Variants in AGMO observed in about 807,000 individuals in gnomAD.
The protein encoded by AGMO is glyceryl-ether monooxygenase.
In AGMO, 75 loss-of-function variants were observed where a neutral mutation model predicts 60.2. The observed-to-expected ratio is 1.25, with a 90% CI of 1.03 to 1.51. The LOEUF (loss-of-function observed/expected upper bound fraction) is 1.51, where lower values mean the gene tolerates loss of function less well. Ranked by LOEUF, AGMO falls within the 40% of genes most tolerant of loss-of-function variation. The pLI is 0.00. For synonymous variants in AGMO, 261 were observed against 177.1 expected (o/e 1.47, Z -3.76); for missense variants, 763 against 525.5 (o/e 1.45, Z -4.42).
At chr7:15,474,229 G>A (rs527431356) in intron 3 of AGMO, among the ~76,000 whole-genome samples, 2 of 152,196 alleles carry the variant, frequency 1.3e-5, no homozygotes, top group Non-Finnish European at 2.9e-5. Flanking sequence ...CCAAAAAAGA[G>A]CCCATATAGC....
At chr7:15,151,499 G>C in the AGMO span, among the ~76,000 whole-genome samples, 1 of 151,848 alleles carries the variant, frequency 6.6e-6, no homozygotes, top group Non-Finnish European at 1.5e-5. Flanking sequence ...AAGAGATTCT[G>C]GTATATTGTA....
intron 3 of AGMO, among the ~76,000 whole-genome samples, chr7:15,508,914 T>G (rs891477246): frequency 6.6e-6 from 1 of 152,164 alleles, no homozygotes; most frequent in Non-Finnish European, 1.5e-5. Flanking sequence ...TCTACATAAT[T>G]TAGTTTATTT....
intron 12 of AGMO, among the ~76,000 whole-genome samples, chr7:15,270,177 G>C (rs551754454): frequency 1.3e-5 from 2 of 152,190 alleles, no homozygotes; most frequent in East Asian, 3.9e-4. Context: ...AGTTCTTTGA[G>C]AAATCTCCAC....
At chr7:15,367,572 CATG>C (rs1289148467) in intron 10 of AGMO, among the ~76,000 whole-genome samples, 4 of 152,108 alleles carry the variant, frequency 2.6e-5, no homozygotes, top group East Asian at 1.9e-4. Flanking sequence ...GATCACAAAG[CATG>C]ATGACAGTAG....
At chr7:15,540,882 C>A (rs564406174) in intron 3 of AGMO, among the ~76,000 whole-genome samples, 1 of 152,164 alleles carries the variant, frequency 6.6e-6, no homozygotes, top group African/African-American at 2.4e-5. Flanking sequence ...TTTAAGTGTA[C>A]AACCAACTCA....
At chr7:15,338,872 T>G (rs1781744511) in intron 12 of AGMO, among the ~76,000 whole-genome samples, 1 of 152,190 alleles carries the variant, frequency 6.6e-6, no homozygotes, top group African/African-American at 2.4e-5. Flanking sequence ...TTTATATGTT[T>G]AACTGTAAAA....
intron 3 of AGMO, among the ~76,000 whole-genome samples, chr7:15,463,506 T>C (rs1218438719): frequency 1.3e-5 from 2 of 152,200 alleles, no homozygotes; most frequent in Non-Finnish European, 2.9e-5. Context: ...AATTGAGTTG[T>C]CCTTAAGATT....
At chr7:15,358,558 A>G in intron 12 of AGMO, 2 of 383,564 alleles carry the variant, frequency 5.2e-6, no homozygotes. Context: ...TGCAGGTGGG[A>G]TTTTCTGCAC....
At chr7:15,190,845 T>C in the AGMO span, among the ~76,000 whole-genome samples, 219 of 152,264 alleles carry the variant, frequency 1.4e-3, 1 homozygote, top group Non-Finnish European at 4.3e-4. Flanking sequence ...CTCATTTTTT[T>C]TTTTCACTGA....
At chr7:15,462,331 T>C (rs2128509062) in intron 3 of AGMO, among the ~76,000 whole-genome samples, 1 of 152,292 alleles carries the variant, frequency 6.6e-6, no homozygotes, top group East Asian at 1.9e-4. Flanking sequence ...GATTCAAGCT[T>C]AGAAAAATCT....
In AGMO at chr7:15,361,335, T is replaced by C. The variant is rs1375487679; in HGVS notation, c.1263+4179A>G. On this transcript the variant is annotated intron_variant, in intron 12 of 12. Coordinates refer to ENST00000342526, the MANE Select transcript of AGMO (RefSeq NM_001004320.2). ...CAGGCGGATCACCAGGTCAGGAGAT[T>C]GAGACCATCCTGGCTAACATGGTGA... Among the ~76,000 whole-genome samples, 9 of 149,520 alleles carry C rather than the reference T, an allele frequency of 6.0e-5. No homozygotes were observed. In the East Asian group the frequency reaches 1.2e-3, roughly 19 times the overall value.
At chr7:15,257,545 G>A (rs1462583980) in intron 12 of AGMO, among the ~76,000 whole-genome samples, 3 of 152,290 alleles carry the variant, frequency 2.0e-5, no homozygotes, top group African/African-American at 7.2e-5. Flanking sequence ...CTACATAAGT[G>A]AGGAGATTCT....
chr7:15,507,765 T>TA (rs1357859233), intron 3 of AGMO, among the ~76,000 whole-genome samples: 1 of 152,040 alleles, frequency 6.6e-6, no homozygotes, highest in African/African-American at 2.4e-5. Flanking sequence ...GTGGATATGT[T>TA]AAAAAAAGAA....
intron 3 of AGMO, among the ~76,000 whole-genome samples, chr7:15,524,722 G>T (rs915135604): frequency 3.7e-5 from 2 of 53,416 alleles, no homozygotes; most frequent in Non-Finnish European, 7.9e-5. Context: ...AATTAGCCAG[G>T]CATGGTGCAC....
At chr7:15,398,183 G>A (rs1378398858) in intron 5 of AGMO, among the ~76,000 whole-genome samples, 2 of 152,142 alleles carry the variant, frequency 1.3e-5, no homozygotes, top group South Asian at 4.1e-4. Context: ...ATGAATTTCT[G>A]ATCCTAGGCC....
chr7:15,346,570 C>G (rs1445891555), intron 12 of AGMO, among the ~76,000 whole-genome samples: 1 of 150,726 alleles, frequency 6.6e-6, no homozygotes, highest in Admixed American at 6.6e-5. Context: ...TGTCACTCTT[C>G]TTTATATTTC....
At chr7:15,298,055 T>G (rs953889295) in intron 12 of AGMO, among the ~76,000 whole-genome samples, 1 of 152,184 alleles carries the variant, frequency 6.6e-6, no homozygotes, top group Non-Finnish European at 1.5e-5. Context: ...TACAAATTTA[T>G]GTCCTCTGTG....
intron 3 of AGMO, among the ~76,000 whole-genome samples, chr7:15,502,012 A>T (rs1333625028): frequency 6.6e-6 from 1 of 152,038 alleles, no homozygotes. Flanking sequence ...GGCAGTATGC[A>T]CTCTCAAGTC....
intron 12 of AGMO, among the ~76,000 whole-genome samples, chr7:15,242,416 A>C (rs559558085): frequency 1.3e-5 from 2 of 152,164 alleles, no homozygotes; most frequent in Non-Finnish European, 2.9e-5. Flanking sequence ...AATTGGGCTT[A>C]TTTTTTAACC....
Sources: gnomAD v4.1 joint callset for allele counts (sites outside exome capture counted in the v4.1 genomes callset) on GRCh38, gnomAD v4.1.1 for gene constraint, MANE v1.5 for transcripts, NCBI Gene and HGNC (gene_info 2026-07-23, HGNC 2026-07-21) for gene names.